EDEM1: variants seen among roughly 807,000 people sequenced by gnomAD.
EDEM1 encodes ER degradation-enhancing alpha-mannosidase-like protein 1.
In EDEM1, 67 loss-of-function variants were observed where a neutral mutation model predicts 74.4. That is an observed-to-expected ratio of 0.90 (90% CI 0.74 to 1.10). The LOEUF (loss-of-function observed/expected upper bound fraction) is 1.10. Among genes scored for constraint, EDEM1 ranks in the 50% least tolerant of loss-of-function variants. EDEM1 has a pLI of 0.00. For synonymous variants in EDEM1, 382 were observed against 335.9 expected (o/e 1.14, Z -1.50); for missense variants, 926 against 851.6 (o/e 1.09, Z -1.09).
chr3:5,203,082 T>G lies in EDEM1; in HGVS notation c.975T>G (p.Phe325Leu). Residue 325 changes from phenylalanine to leucine, a missense_variant, in exon 5 of 12, where the codon TTT becomes TTG. By Grantham distance (22) the Phe-to-Leu change is conservative. Coordinates refer to ENST00000256497, the MANE Select transcript of EDEM1 (RefSeq NM_014674.3). The part of the protein sequence containing the change: ...ILSRLLGDST[F>L]EWVARRAVKA... Reference sequence around the variant, plus strand: ...GTCGACTCCTGGGGGACTCCACATTTGAGTGGGTGGCCAGACGAGCAGTGA... The same window carrying G: ...GTCGACTCCTGGGGGACTCCACATTGGAGTGGGTGGCCAGACGAGCAGTGA... The G allele has an allele frequency of 6.2e-7, 1 of 1,612,718 alleles. No individual in the cohort carries two copies. The highest frequency in any genetic ancestry group is 1.1e-5 in the South Asian group (1 of 90,918).
chr3:5,198,080 T>C (rs1054190938), intron 2 of EDEM1, among the ~76,000 whole-genome samples: 3 of 152,020 alleles, frequency 2.0e-5, no homozygotes, highest in African/African-American at 7.3e-5. Context: ...AGTCTTGCTG[T>C]GTTGCCCAGG....
intron 1 of EDEM1, among the ~76,000 whole-genome samples, chr3:5,188,752 C>G (rs763766150): frequency 6.6e-6 from 1 of 152,218 alleles, no homozygotes. Context: ...CTCGCACCCC[C>G]ACCTCTATCA....
intron 3 of EDEM1, among the ~76,000 whole-genome samples, chr3:5,200,286 A>T (rs1214808369): frequency 6.6e-6 from 1 of 152,156 alleles, no homozygotes; most frequent in African/African-American, 2.4e-5. Flanking sequence ...ACAGAATTTC[A>T]TGGTTTCCCT....
At position 5,206,594 on chromosome 3, in the gene EDEM1, G is replaced by A. The variant is rs138942613; in HGVS notation, c.1218-559G>A. 1.4e-3 allele frequency among the ~76,000 whole-genome samples: 208 copies of A among 152,246 alleles called. 1 individual carries two copies. Among genetic ancestry groups the A allele is most frequent in the African/African-American group, 4.9e-3 (203 of 41,556 alleles). On this transcript the variant is annotated intron_variant, in intron 6 of 11. Transcript: ENST00000256497. ...CTGAGCTTCCTGCTTGGATTTTCTT[G>A]GGTCCATTTCTACATTGCTGTTGTA...
Position 5,210,095 on chromosome 3 carries a change from G to A in EDEM1, c.1510-80G>A, listed in dbSNP as rs1028413113. 2.2e-5 allele frequency: 28 copies of A among 1,271,170 alleles called. No homozygotes were observed. The South Asian group carries it at 3.0e-4, about 14-fold the overall frequency. 78.7% of individuals were successfully genotyped at this position (1,271,170 alleles called of 1,614,324 possible). On this transcript the variant is annotated intron_variant, in intron 8 of 11. Coordinates refer to ENST00000256497, the MANE Select transcript of EDEM1 (RefSeq NM_014674.3). ...GCTGGCGACTCGTCTCCATGGGGAA[G>A]CCCCGCAGTCACCATGATGTTTGTC...
At chr3:5,204,214 C>A (rs1296894302) in intron 5 of EDEM1, among the ~76,000 whole-genome samples, 1 of 152,042 alleles carries the variant, frequency 6.6e-6, no homozygotes, top group African/African-American at 2.4e-5. Flanking sequence ...TTCAGCCTGG[C>A]CTGTGTAACT....
chr3:5,210,658 T>A (rs1022870859), intron 9 of EDEM1, among the ~76,000 whole-genome samples: 1 of 152,068 alleles, frequency 6.6e-6, no homozygotes, highest in Non-Finnish European at 1.5e-5. Context: ...TATGTATATA[T>A]AAGAAACATA....
intron 1 of EDEM1, among the ~76,000 whole-genome samples, chr3:5,194,885 G>T (rs2054945004): frequency 6.6e-6 from 1 of 152,192 alleles, no homozygotes; most frequent in Non-Finnish European, 1.5e-5. Flanking sequence ...GCTTTTTAAA[G>T]TTGGACAGGA....
chr3:5,214,926 C>T (rs547276808), intron 11 of EDEM1, among the ~76,000 whole-genome samples: 1 of 152,158 alleles, frequency 6.6e-6, no homozygotes, highest in Non-Finnish European at 1.5e-5. Flanking sequence ...TGTTGAAACA[C>T]AGAGGGTAGG....
intron 1 of EDEM1, 61 bp downstream of exon 1, chr3:5,188,375 G>C: frequency 7.4e-7 from 1 of 1,360,326 alleles, no homozygotes; most frequent in Non-Finnish European, 9.5e-7. Flanking sequence ...CCTCCGCGCC[G>C]GGGTGCAGCC....
intron 1 of EDEM1, 121 bp downstream of exon 1, chr3:5,188,435 C>A: frequency 8.7e-7 from 1 of 1,150,832 alleles, no homozygotes; most frequent in Non-Finnish European, 1.1e-6. Flanking sequence ...GGGTCCCGGG[C>A]AGCGCTCCCG....
chr3:5,216,706 T>A lies in EDEM1; in HGVS notation c.*788T>A, dbSNP rs2055241539. Reference sequence around the variant, plus strand: ...ATTCTTAACAGATAGTCTCTTAGGTTATTATGTTATGGTCTAAGAGGTTAA... The same window carrying A: ...ATTCTTAACAGATAGTCTCTTAGGTAATTATGTTATGGTCTAAGAGGTTAA... On this transcript the variant is annotated 3_prime_UTR_variant, in exon 12 of 12. Transcript: ENST00000256497. The A allele has an allele frequency of 6.6e-6, 1 of 152,640 alleles. No homozygotes were observed. The highest frequency in any genetic ancestry group is 2.1e-4 in the South Asian group (1 of 4,832). 9.5% of individuals were successfully genotyped at this position (152,640 alleles called of 1,614,324 possible). A position where few individuals can be genotyped will look rare whatever the true frequency, so the allele number is the denominator to read the frequency against.
At chr3:5,202,819 C>T in intron 4 of EDEM1, 147 bp from the exon 5 acceptor site, 1 of 607,022 alleles carries the variant, frequency 1.6e-6, no homozygotes, top group Non-Finnish European at 2.9e-6. Context: ...TTCCCGTATT[C>T]ACCTCAGATG....
intron 11 of EDEM1, among the ~76,000 whole-genome samples, chr3:5,214,850 C>T (rs186943889): frequency 1.3e-4 from 20 of 152,278 alleles, no homozygotes; most frequent in Admixed American, 5.9e-4. Context: ...GAAGGGCTCC[C>T]GGTTCTGGAT....
intron 2 of EDEM1, among the ~76,000 whole-genome samples, chr3:5,198,158 G>T (rs1286641754): frequency 6.6e-6 from 1 of 151,816 alleles, no homozygotes; most frequent in African/African-American, 2.4e-5. Flanking sequence ...AGCAGTTCTT[G>T]TGCCTCAGCC....
intron 1 of EDEM1, among the ~76,000 whole-genome samples, chr3:5,193,258 A>G (rs927973701): frequency 6.6e-6 from 1 of 152,220 alleles, no homozygotes; most frequent in Non-Finnish European, 1.5e-5. Flanking sequence ...GCAGAGCAAC[A>G]GAGTGAAATA....
rs371170023 is a variant in EDEM1, at chr3:5,203,287, T to G, written c.1042+138T>G. On this transcript the variant is annotated intron_variant, in intron 5 of 11. Coordinates refer to ENST00000256497, the MANE Select transcript of EDEM1 (RefSeq NM_014674.3). The stretch of plus-strand genomic sequence containing the variant: ...AGAATTGTGTCAGCTCTATCTAATT[T>G]CTTTATGTGACCCTTTGCAGAGAGG... 7,737 of 890,930 alleles carry G rather than the reference T, an allele frequency of 8.7e-3. 54 individuals are homozygous for G. Among genetic ancestry groups the G allele is most frequent in the Non-Finnish European group, 0.011 (6,709 of 628,788 alleles). 55.2% of individuals were successfully genotyped at this position (890,930 alleles called of 1,614,324 possible).
intron 9 of EDEM1, among the ~76,000 whole-genome samples, chr3:5,210,552 A>T (rs936700090): frequency 6.6e-5 from 10 of 152,320 alleles, no homozygotes; most frequent in Admixed American, 2.6e-4. Flanking sequence ...GTAGAATATT[A>T]TCACTGTAAT....
intron 3 of EDEM1, 58 bp from the exon 4 acceptor site, chr3:5,201,695 A>G (rs2055036651): frequency 6.3e-7 from 1 of 1,595,676 alleles, no homozygotes; most frequent in Admixed American, 1.7e-5. Flanking sequence ...TCTGAATTGG[A>G]TTATGTGCAT....
Sources: allele counts gnomAD v4.1 joint callset (sites outside exome capture counted in the v4.1 genomes callset), GRCh38; gene constraint gnomAD v4.1.1; transcripts MANE v1.5; gene names NCBI Gene and HGNC (gene_info 2026-07-23, HGNC 2026-07-21).